The following RRM2 variants were observed in gnomAD, a reference collection of about 807,000 sequenced individuals.
RRM2 encodes ribonucleotide reductase regulatory subunit M2, also known as ribonucleoside-diphosphate reductase subunit M2.
A neutral mutation model predicts 45.9 loss-of-function variants in RRM2; 6 were observed. The observed-to-expected ratio is 0.13, with a 90% CI of 0.07 to 0.26. The LOEUF is 0.26. RRM2 is among the 10% of genes least tolerant of loss of function. The probability of loss-of-function intolerance (pLI) is 1.00; values close to 1 mark genes in which losing one functional copy is unlikely to be tolerated. For synonymous variants in RRM2, 177 were observed against 173.0 expected, an observed-to-expected ratio of 1.02 and a Z score of -0.18; for missense variants, 343 against 489.5, an observed-to-expected ratio of 0.70 and a Z score of 2.82.
At chr2:10,131,632 G>A (rs1301608511), downstream of RRM2, among the ~76,000 whole-genome samples, 1 of 152,142 alleles carries the variant, frequency 6.6e-6, no homozygotes, top group Admixed American at 6.5e-5. Context: ...CCAGCTACTC[G>A]TGAGGCTGAG....
At chr2:10,194,439 C>G (rs572292193) in intron 3 of RRM2, among the ~76,000 whole-genome samples, 1 of 152,226 alleles carries the variant, frequency 6.6e-6, no homozygotes, top group Non-Finnish European at 1.5e-5. Flanking sequence ...CCAGCTTGTG[C>G]GGGCCCAAAT....
At chr2:10,208,890 C>T (rs115904261) in intron 3 of RRM2, among the ~76,000 whole-genome samples, 27 of 152,152 alleles carry the variant, frequency 1.8e-4, no homozygotes, top group African/African-American at 5.8e-4. Context: ...ACAGATGCCC[C>T]GTCCCTGTGC....
At chr2:10,206,636 C>T (rs1347155261) in intron 3 of RRM2, among the ~76,000 whole-genome samples, 1 of 152,182 alleles carries the variant, frequency 6.6e-6, no homozygotes, top group Non-Finnish European at 1.5e-5. Context: ...TAGTCAAAGG[C>T]AGGCCCCAAT....
At chr2:10,187,230 C>T (rs1240142471) in intron 3 of RRM2, among the ~76,000 whole-genome samples, 1 of 152,214 alleles carries the variant, frequency 6.6e-6, no homozygotes, top group Non-Finnish European at 1.5e-5. Context: ...AAGGGTCCCG[C>T]AGGAAGATCA....
chr2:10,126,480 A>G (rs1662782928), intron 5 of RRM2: 1 of 176,506 alleles, frequency 5.7e-6, no homozygotes, highest in South Asian at 1.6e-4. Flanking sequence ...ATAGTCTGAT[A>G]ATAGCACAGC....
intron 3 of RRM2, among the ~76,000 whole-genome samples, chr2:10,166,353 C>T (rs1663680197): frequency 6.6e-6 from 1 of 152,226 alleles, no homozygotes; most frequent in Non-Finnish European, 1.5e-5. Context: ...TGTCCACCAG[C>T]CCTGCTCGCA....
chr2:10,209,876 T>G (rs568047544), intron 3 of RRM2, among the ~76,000 whole-genome samples: 74 of 152,308 alleles, frequency 4.9e-4, no homozygotes, highest in South Asian at 2.9e-3. Context: ...ATAGCTGGTG[T>G]TGTTGGCTGC....
rs139728329 is a variant in RRM2 at position 10,194,349 on chromosome 2, G to A, written n.483-15962G>A. ...CCTCCTGGTCAGGCTGCTGACTGGCGGGGCTCTGGGGGTAAGGCCTTGGTC... is the reference window on the plus strand; with the variant it reads ...CCTCCTGGTCAGGCTGCTGACTGGCAGGGCTCTGGGGGTAAGGCCTTGGTC... On this transcript the variant is annotated intron_variant and non_coding_transcript_variant, in intron 3 of 3. Coordinates refer to the RRM2 transcript ENST00000381786. 1.3e-4 allele frequency among the ~76,000 whole-genome samples: 20 copies of A among 152,306 alleles called. No individual in the cohort carries two copies. In the East Asian group the frequency reaches 3.5e-3, roughly 26 times the overall value.
chr2:10,192,892 G>A (rs754989195), intron 3 of RRM2, among the ~76,000 whole-genome samples: 3 of 152,206 alleles, frequency 2.0e-5, no homozygotes, highest in Non-Finnish European at 4.4e-5. Flanking sequence ...CTGTCCTCCA[G>A]CAGGAGGTAG....
At chr2:10,190,698 G>A (rs1240865440) in intron 3 of RRM2, among the ~76,000 whole-genome samples, 1 of 121,658 alleles carries the variant, frequency 8.2e-6, no homozygotes, top group Non-Finnish European at 1.7e-5. Context: ...GGTGATGGCA[G>A]AGATGGTTAC....
At chr2:10,208,825 A>G (rs896206810) in intron 3 of RRM2, among the ~76,000 whole-genome samples, 4 of 151,948 alleles carry the variant, frequency 2.6e-5, no homozygotes, top group African/African-American at 9.7e-5. Flanking sequence ...ACCCAGTGCC[A>G]AGCCAGACAC....
At chr2:10,147,513 C>G (rs1663214104) in intron 3 of RRM2, among the ~76,000 whole-genome samples, 1 of 152,156 alleles carries the variant, frequency 6.6e-6, no homozygotes, top group South Asian at 2.1e-4. Flanking sequence ...ATCTGCCCAC[C>G]TCAGCCTTCC....
intron 5 of RRM2, 96 bp from the exon 6 acceptor site, chr2:10,126,779 A>C (rs1465712031): frequency 2.4e-6 from 2 of 846,280 alleles, no homozygotes; most frequent in African/African-American, 1.7e-5. Flanking sequence ...CAAATACTTG[A>C]ATTTGGCCTT....
downstream of RRM2, among the ~76,000 whole-genome samples, chr2:10,133,135 G>A (rs1662929881): frequency 6.6e-6 from 1 of 152,180 alleles, no homozygotes; most frequent in Non-Finnish European, 1.5e-5. Flanking sequence ...AGTCCTGGGT[G>A]TGAATTATAA....
At chr2:10,142,171 TG>T in intron 2 of RRM2, 1 of 1,540,538 alleles carries the variant, frequency 6.5e-7, no homozygotes, top group South Asian at 1.2e-5. Flanking sequence ...GAGTGAGGGG[TG>T]GGAGATGGGG....
At chr2:10,210,177 A>G in intron 3 of RRM2, 1 of 443,730 alleles carries the variant, frequency 2.3e-6, no homozygotes, top group Non-Finnish European at 4.1e-6. Context: ...ATGGACTCCC[A>G]CCTCCTTGTG....
intron 5 of RRM2, among the ~76,000 whole-genome samples, chr2:10,126,162 T>TA (rs532815964): frequency 0.017 from 1,479 of 89,316 alleles, 22 homozygotes; most frequent in Non-Finnish European, 0.022. Flanking sequence ...CTCATCTCTT[T>TA]AAAAAAAAAA....
chr2:10,201,287 A>G (rs1664566223), intron 3 of RRM2, among the ~76,000 whole-genome samples: 1 of 152,248 alleles, frequency 6.6e-6, no homozygotes, highest in South Asian at 2.1e-4. Context: ...AGAAATAAGC[A>G]TGCCTCAAAT....
intron 2 of RRM2, chr2:10,141,997 G>C (rs1438528700): frequency 1.3e-6 from 2 of 1,570,936 alleles, no homozygotes; most frequent in African/African-American, 1.4e-5. Context: ...GGAAAGCAGG[G>C]AGGAAGGGGC....
Sources: allele counts gnomAD v4.1 joint callset (sites outside exome capture counted in the v4.1 genomes callset), GRCh38; gene constraint gnomAD v4.1.1; transcripts MANE v1.5; gene names NCBI Gene and HGNC (gene_info 2026-07-23, HGNC 2026-07-21).